NRG3: variants seen among roughly 807,000 people sequenced by gnomAD.
The protein encoded by NRG3 is pro-neuregulin-3, membrane-bound isoform.
Under a neutral mutation model 66.9 loss-of-function variants are expected in NRG3, and 31 were observed. The ratio of observed to expected loss-of-function variants is 0.46; its 90% confidence interval spans 0.35 to 0.63. NRG3 has a LOEUF of 0.63. NRG3 is among the 20% of genes least tolerant of loss of function. The probability of loss-of-function intolerance (pLI) is 0.00; values close to 1 mark genes in which losing one functional copy is unlikely to be tolerated. For synonymous variants in NRG3, 393 were observed against 359.4 expected (o/e 1.09, Z -1.06); for missense variants, 910 against 878.9 (o/e 1.04, Z -0.45).
chr10:82,705,562 G>A (rs2056227227), intron 2 of NRG3, among the ~76,000 whole-genome samples: 1 of 152,166 alleles, frequency 6.6e-6, no homozygotes, highest in Non-Finnish European at 1.5e-5. Flanking sequence ...GTCCACAAGT[G>A]TTTTCTCTGA....
intron 1 of NRG3, among the ~76,000 whole-genome samples, chr10:82,235,632 T>A (rs961814427): frequency 2.0e-5 from 3 of 152,220 alleles, no homozygotes; most frequent in Non-Finnish European, 4.4e-5. Flanking sequence ...CTATCTCACC[T>A]GGTGCTTTAT....
intron 1 of NRG3, among the ~76,000 whole-genome samples, chr10:82,188,041 A>G (rs767053070): frequency 1.3e-5 from 2 of 152,180 alleles, no homozygotes; most frequent in African/African-American, 2.4e-5. Flanking sequence ...TGAAGGAATC[A>G]TATTTCCTGA....
At chr10:82,256,590 T>TA (rs1467240977) in intron 1 of NRG3, among the ~76,000 whole-genome samples, 1 of 152,230 alleles carries the variant, frequency 6.6e-6, no homozygotes, top group African/African-American at 2.4e-5. Context: ...CCTGCTGCTC[T>TA]ACCTTCTCTT....
At chr10:82,971,030 G>A (rs774568409) in intron 6 of NRG3, among the ~76,000 whole-genome samples, 25 of 152,228 alleles carry the variant, frequency 1.6e-4, no homozygotes, top group Non-Finnish European at 2.6e-4. Context: ...TGCTCATGGC[G>A]GAAGGGAAAG....
chr10:82,796,369 G>A (rs1333212), intron 3 of NRG3, among the ~76,000 whole-genome samples: 21,193 of 151,670 alleles, frequency 0.14, 1,598 homozygotes, highest in Non-Finnish European at 0.16. Flanking sequence ...GTCCACCATA[G>A]AGCAGCAGCC....
chr10:82,220,176 T>C (rs971069705), intron 1 of NRG3, among the ~76,000 whole-genome samples: 2 of 135,198 alleles, frequency 1.5e-5, no homozygotes, highest in Admixed American at 1.5e-4. Context: ...CATGTGGGCA[T>C]GTATCTTTAC....
chr10:82,320,055 C>T (rs991757305), intron 1 of NRG3, among the ~76,000 whole-genome samples: 3 of 152,136 alleles, frequency 2.0e-5, no homozygotes, highest in Admixed American at 6.5e-5. Flanking sequence ...TCTGATATTT[C>T]GTGTGTCATC....
intron 4 of NRG3, among the ~76,000 whole-genome samples, chr10:82,902,632 A>T (rs931043220): frequency 6.6e-6 from 1 of 152,146 alleles, no homozygotes; most frequent in East Asian, 1.9e-4. Flanking sequence ...TAGACACACT[A>T]TCCATTTGCT....
At chr10:82,524,637 T>C (rs1407497586) in intron 2 of NRG3, among the ~76,000 whole-genome samples, 1 of 151,982 alleles carries the variant, frequency 6.6e-6, no homozygotes, top group South Asian at 2.1e-4. Flanking sequence ...TCCAGTAACA[T>C]ATTCAAATTC....
chr10:82,155,596 G>T (rs2071130557), intron 1 of NRG3, among the ~76,000 whole-genome samples: 1 of 151,746 alleles, frequency 6.6e-6, no homozygotes, highest in African/African-American at 2.4e-5. Context: ...ATGCCAACAT[G>T]TACCTGCTAA....
chr10:82,539,311 T>C (rs1273936481), intron 2 of NRG3, among the ~76,000 whole-genome samples: 1 of 152,214 alleles, frequency 6.6e-6, no homozygotes, highest in Non-Finnish European at 1.5e-5. Flanking sequence ...TTCTTTAACA[T>C]AGCACCGTGG....
At chr10:82,386,054 A>T (rs1011970258) in intron 2 of NRG3, among the ~76,000 whole-genome samples, 1 of 152,144 alleles carries the variant, frequency 6.6e-6, no homozygotes, top group Non-Finnish European at 1.5e-5. Context: ...CTTTTCCATG[A>T]GGCTTTTCCA....
chr10:82,210,660 C>T (rs72825486), intron 1 of NRG3, among the ~76,000 whole-genome samples: 7,435 of 152,066 alleles, frequency 0.049, 265 homozygotes, highest in Non-Finnish European at 0.074. Flanking sequence ...GACCAAAAAT[C>T]AAAGAGGAAG....
chr10:82,899,320 G>T (rs1843984932), intron 4 of NRG3, among the ~76,000 whole-genome samples: 2 of 151,964 alleles, frequency 1.3e-5, no homozygotes, highest in Non-Finnish European at 2.9e-5. Context: ...AGAGTCCAAA[G>T]GTGCATGAAT....
chr10:82,689,413 G>T (rs912899371), intron 2 of NRG3, among the ~76,000 whole-genome samples: 2 of 152,076 alleles, frequency 1.3e-5, no homozygotes, highest in African/African-American at 4.8e-5. Flanking sequence ...GTTAGTGCAC[G>T]TAAGTCTCAC....
intron 1 of NRG3, among the ~76,000 whole-genome samples, chr10:82,270,853 A>G (rs1393147128): frequency 6.6e-6 from 1 of 152,118 alleles, no homozygotes; most frequent in Non-Finnish European, 1.5e-5. Flanking sequence ...AGTACATTTT[A>G]TACTGTGGAT....
chr10:82,055,954 GAGA>G (rs1242311104), intron 1 of NRG3, among the ~76,000 whole-genome samples: 1 of 152,144 alleles, frequency 6.6e-6, no homozygotes, highest in Non-Finnish European at 1.5e-5. Flanking sequence ...TCATTCAGAG[GAGA>G]AGATGTGAAA....
intron 1 of NRG3, among the ~76,000 whole-genome samples, chr10:82,269,109 T>G (rs1249540090): frequency 6.6e-6 from 1 of 152,118 alleles, no homozygotes; most frequent in African/African-American, 2.4e-5. Context: ...AGAAATTCAA[T>G]GTATAAATCT....
At chr10:82,380,870 A>G (rs1183208584) in intron 2 of NRG3, among the ~76,000 whole-genome samples, 2 of 152,160 alleles carry the variant, frequency 1.3e-5, no homozygotes, top group Non-Finnish European at 2.9e-5. Flanking sequence ...TAAATTTTGT[A>G]ATAACCCCTA....
Sources: gnomAD v4.1 joint callset for allele counts (sites outside exome capture counted in the v4.1 genomes callset) on GRCh38, gnomAD v4.1.1 for gene constraint, MANE v1.5 for transcripts, NCBI Gene and HGNC (gene_info 2026-07-23, HGNC 2026-07-21) for gene names.